CFAP54: variants seen among roughly 807,000 people sequenced by gnomAD.
CFAP54 encodes the protein cilia- and flagella-associated protein 54.
Under a neutral mutation model 370.4 loss-of-function variants are expected in CFAP54, and 290 were observed. That is an observed-to-expected ratio of 0.78 (90% CI 0.71 to 0.86). CFAP54 has a LOEUF of 0.86. CFAP54 is among the 40% of genes least tolerant of loss of function. The probability of loss-of-function intolerance (pLI) is 0.00; values close to 1 mark genes in which losing one functional copy is unlikely to be tolerated. For missense variants in CFAP54, 3,399 were observed against 3,528.7 expected (o/e 0.96, Z 0.93); for synonymous variants, 1,206 against 1,236.5 (o/e 0.98, Z 0.52).
At chr12:96,818,790 C>G (rs892263984) in intron 65 of CFAP54, among the ~76,000 whole-genome samples, 2 of 152,178 alleles carry the variant, frequency 1.3e-5, no homozygotes, top group South Asian at 2.1e-4. Flanking sequence ...TTGCTTTTCC[C>G]AAACTCACTG....
At chr12:96,870,674 G>T (rs1960136030) in intron 67 of CFAP54, among the ~76,000 whole-genome samples, 1 of 152,078 alleles carries the variant, frequency 6.6e-6, no homozygotes, top group African/African-American at 2.4e-5. Context: ...TTATTGTTTT[G>T]TTTTGGTTTG....
rs572172669 is a variant in CFAP54 at position 96,740,013 on chromosome 12, G to A, written c.7023G>A (p.Lys2341=). ...TLLQDSKLFE[K]KVVQDDTENP... ...TCCAGGATTCAAAACTTTTTGAAAAGAAGGTAGTACAGGATGACACAGAGA... is the reference window on the plus strand; with the variant it reads ...TCCAGGATTCAAAACTTTTTGAAAAAAAGGTAGTACAGGATGACACAGAGA... Residue 2341 remains lysine, a synonymous_variant, in exon 51 of 68, where the codon AAG becomes AAA. Transcript: ENST00000524981. 3 of 1,607,892 alleles carry A rather than the reference G, an allele frequency of 1.9e-6. No individual in the cohort carries two copies. The highest frequency in any genetic ancestry group is 1.7e-6 in the Non-Finnish European group (2 of 1,176,004).
chr12:96,753,684 G>C, intron 55 of CFAP54, 59 bp from the exon 56 acceptor site: 2 of 1,529,558 alleles, frequency 1.3e-6, no homozygotes, highest in Non-Finnish European at 1.8e-6. Flanking sequence ...TAACTTGGAG[G>C]CTTGTTATAA....
intron 50 of CFAP54, among the ~76,000 whole-genome samples, chr12:96,726,982 G>A (rs1259927443): frequency 1.3e-5 from 2 of 152,140 alleles, no homozygotes; most frequent in African/African-American, 2.4e-5. Context: ...GTAGTTGAGC[G>A]ATTTTGAGTG....
At chr12:96,737,109 G>A (rs1565959672) in intron 50 of CFAP54, among the ~76,000 whole-genome samples, 1 of 152,158 alleles carries the variant, frequency 6.6e-6, no homozygotes, top group African/African-American at 2.4e-5. Flanking sequence ...TTTTTGGGGG[G>A]AGTTTGGAAT....
At chr12:96,836,370 A>G (rs1959186256) in intron 66 of CFAP54, among the ~76,000 whole-genome samples, 1 of 152,230 alleles carries the variant, frequency 6.6e-6, no homozygotes, top group South Asian at 2.1e-4. Flanking sequence ...TGGTTGGGGC[A>G]CTAGGCTTCC....
chr12:96,874,036 A>G (rs1479810167), intron 67 of CFAP54, among the ~76,000 whole-genome samples: 1 of 152,190 alleles, frequency 6.6e-6, no homozygotes. Flanking sequence ...TACCATTTAT[A>G]TGCCAAAATC....
At chr12:96,534,636 G>A (rs962222908) in intron 11 of CFAP54, among the ~76,000 whole-genome samples, 1 of 152,186 alleles carries the variant, frequency 6.6e-6, no homozygotes, top group Non-Finnish European at 1.5e-5. Context: ...CCAGCTTGCA[G>A]TGTTTGCCAT....
rs141701085 is a variant in CFAP54 at position 96,839,114 on chromosome 12, C to T, written c.9171+10026C>T. ...GTATGTGTAGTGGTTAGTGGACAGA[C>T]TCTGGAGAGTCTAGTTGCCTGGCTC... On this transcript the variant is annotated intron_variant, in intron 66 of 67. Transcript: ENST00000524981. Among the ~76,000 whole-genome samples, 62 of 152,266 alleles carry T rather than the reference C, an allele frequency of 4.1e-4. 2 individuals are homozygous for T. In the East Asian group the frequency reaches 7.1e-3, roughly 18 times the overall value.
intron 32 of CFAP54, among the ~76,000 whole-genome samples, 168 bp from the exon 33 acceptor site, chr12:96,644,010 C>A (rs1956762673): frequency 6.6e-6 from 1 of 152,040 alleles, no homozygotes; most frequent in Non-Finnish European, 1.5e-5. Context: ...TTTTAAACCA[C>A]CCTGGTTCAT....
At chr12:96,555,935 A>G (rs1339185590) in intron 17 of CFAP54, among the ~76,000 whole-genome samples, 2 of 151,974 alleles carry the variant, frequency 1.3e-5, no homozygotes, top group Non-Finnish European at 2.9e-5. Context: ...ATAAATAGCT[A>G]AGACATTCCT....
At chr12:96,616,072 A>T (rs1039119350) in intron 26 of CFAP54, among the ~76,000 whole-genome samples, 2 of 152,244 alleles carry the variant, frequency 1.3e-5, no homozygotes, top group African/African-American at 4.8e-5. Flanking sequence ...ACATATGTTT[A>T]TTGCGGCACT....
chr12:96,683,818 G>A (rs565435456), intron 40 of CFAP54, among the ~76,000 whole-genome samples: 3 of 151,820 alleles, frequency 2.0e-5, no homozygotes, highest in Non-Finnish European at 4.4e-5. Context: ...TTGAGATGGA[G>A]TCTCACTCTG....
chr12:96,509,115 A>C (rs1213713958), intron 4 of CFAP54, among the ~76,000 whole-genome samples: 2 of 152,220 alleles, frequency 1.3e-5, no homozygotes, highest in Non-Finnish European at 1.5e-5. Context: ...TCTCATGCTG[A>C]CTTCCATTGC....
intron 31 of CFAP54, 64 bp downstream of exon 31, chr12:96,630,268 G>C: frequency 1.2e-6 from 1 of 833,150 alleles, no homozygotes; most frequent in Non-Finnish European, 1.8e-6. Flanking sequence ...ATCTAGAGAT[G>C]ATTGGCTACA....
intron 42 of CFAP54, among the ~76,000 whole-genome samples, chr12:96,686,224 C>T (rs1042629535): frequency 6.6e-6 from 1 of 152,126 alleles, no homozygotes. Flanking sequence ...AGTGGTCTTT[C>T]CTCAGCATGT....
intron 64 of CFAP54, among the ~76,000 whole-genome samples, chr12:96,817,430 CTT>C (rs34215059): frequency 2.6e-4 from 38 of 144,696 alleles, no homozygotes; most frequent in Non-Finnish European, 3.2e-4. Flanking sequence ...ACCTTTCTTT[CTT>C]TTTTTTTTTT....
In CFAP54 at chr12:96,811,836, T is replaced by C; in HGVS notation, c.8951T>C (p.Leu2984Pro). 1.4e-6 allele frequency: 2 copies of C among 1,476,022 alleles called. No homozygotes were observed. The highest frequency in any genetic ancestry group is 2.5e-5 in the Admixed American group (1 of 40,062). The allele number at this position is 1,476,022 out of a possible 1,614,324, so 91.4% of individuals were successfully genotyped here. ...STCVGSLWIP[L>P]NRVIAIHEKL... ...TGTGTTGGCTCTTTATGGATTCCAC[T>C]GAATAGGCAAGTAAAAATTCCACAA... Residue 2984 changes from leucine to proline, a missense_variant, in exon 64 of 68, where the codon CTG becomes CCG. Around this residue, in one of 3 missense-constraint regions of CFAP54, gnomAD observed 2,796 missense variants for 2,869.7 expected, o/e 0.97. Transcript: ENST00000524981.
chr12:96,706,407 C>T (rs1957548024), intron 47 of CFAP54, among the ~76,000 whole-genome samples: 1 of 151,966 alleles, frequency 6.6e-6, no homozygotes, highest in African/African-American at 2.4e-5. Flanking sequence ...CATATGAAAT[C>T]TGGAGAAGGA....
Sources: allele counts gnomAD v4.1 joint callset (sites outside exome capture counted in the v4.1 genomes callset), GRCh38; gene constraint gnomAD v4.1.1; regional missense constraint gnomAD v4.1.1; transcripts MANE v1.5; gene names NCBI Gene and HGNC (gene_info 2026-07-23, HGNC 2026-07-21).